Variants in MAF observed in about 807,000 individuals in gnomAD.
MAF encodes the protein transcription factor Maf.
MAF carries 10 observed loss-of-function variants against 22.0 expected under a neutral mutation model. The ratio of observed to expected loss-of-function variants is 0.45; its 90% CI spans 0.28 to 0.77. MAF has a LOEUF of 0.77. MAF is among the 30% of genes least tolerant of loss of function. MAF has a pLI of 0.12. For synonymous variants in MAF, 337 were observed against 255.8 expected, an observed-to-expected ratio of 1.32 and a Z score of -3.03; for missense variants, 544 against 548.4, an observed-to-expected ratio of 0.99 and a Z score of 0.08.
chr16:79,293,376 T>C, the MAF span, among the ~76,000 whole-genome samples: 1 of 152,202 alleles, frequency 6.6e-6, no homozygotes, highest in African/African-American at 2.4e-5. Context: ...CAAATGGAAT[T>C]ATTTTCTGGA....
At chr16:79,272,797 G>A in the MAF span, among the ~76,000 whole-genome samples, 9 of 152,048 alleles carry the variant, frequency 5.9e-5, no homozygotes, top group African/African-American at 1.7e-4. Context: ...AGGAGCACCC[G>A]ATATTTTTCC....
chr16:79,487,612 A>G, the MAF span, among the ~76,000 whole-genome samples: 1 of 152,342 alleles, frequency 6.6e-6, no homozygotes, highest in Admixed American at 6.5e-5. Flanking sequence ...CTCCAAAGAT[A>G]TGAATAATTC....
At chr16:79,357,415 G>C in the MAF span, among the ~76,000 whole-genome samples, 17 of 152,322 alleles carry the variant, frequency 1.1e-4, no homozygotes, top group Admixed American at 3.3e-4. Flanking sequence ...TGGGGCAACA[G>C]AGTGAGACAC....
the MAF span, among the ~76,000 whole-genome samples, chr16:79,505,937 G>A: frequency 6.6e-6 from 1 of 151,688 alleles, no homozygotes; most frequent in South Asian, 2.1e-4. Context: ...ATAGAAGGAA[G>A]AGGAAGGAAA....
the MAF span, among the ~76,000 whole-genome samples, chr16:79,279,925 T>A: frequency 6.6e-6 from 1 of 152,182 alleles, no homozygotes; most frequent in Non-Finnish European, 1.5e-5. Context: ...GAAAATGTTA[T>A]AAATACGGGG....
At chr16:79,316,156 G>T in the MAF span, among the ~76,000 whole-genome samples, 1 of 152,234 alleles carries the variant, frequency 6.6e-6, no homozygotes, top group African/African-American at 2.4e-5. Context: ...CTGTTAGAAC[G>T]TGACTCACCC....
the MAF span, among the ~76,000 whole-genome samples, chr16:79,318,851 CAAGTTTGCAATGGG>C: frequency 1.3e-5 from 2 of 152,246 alleles, no homozygotes; most frequent in East Asian, 3.9e-4. Flanking sequence ...TTATTGACTC[CAAGTTTGCAATGGG>C]TAAGACAAAA....
chr16:79,447,949 T>A, the MAF span, among the ~76,000 whole-genome samples: 1 of 147,636 alleles, frequency 6.8e-6, no homozygotes, highest in Non-Finnish European at 1.5e-5. Context: ...AAGATATGAC[T>A]GAATTGCTGC....
At chr16:79,277,867 C>G in the MAF span, among the ~76,000 whole-genome samples, 1 of 152,190 alleles carries the variant, frequency 6.6e-6, no homozygotes, top group Admixed American at 6.5e-5. Flanking sequence ...GGCATTATAT[C>G]TGTGCCTCCT....
At chr16:79,554,465 G>T in the MAF span, among the ~76,000 whole-genome samples, 1 of 152,172 alleles carries the variant, frequency 6.6e-6, no homozygotes, top group African/African-American at 2.4e-5. Context: ...CATAGGAAAA[G>T]CTGCAAACGG....
the MAF span, among the ~76,000 whole-genome samples, chr16:79,368,322 T>C: frequency 6.6e-6 from 1 of 152,198 alleles, no homozygotes; most frequent in Admixed American, 6.5e-5. Context: ...GAGAAGGTAA[T>C]GGCAGGGCAT....
chr16:79,353,934 G>T, the MAF span, among the ~76,000 whole-genome samples: 8 of 152,146 alleles, frequency 5.3e-5, no homozygotes, highest in Non-Finnish European at 7.3e-5. Context: ...TTACCAGCAT[G>T]CCATGGTCTT....
chr16:79,335,183 C>CAAA, the MAF span, among the ~76,000 whole-genome samples: 3 of 86,326 alleles, frequency 3.5e-5, no homozygotes, highest in South Asian at 3.3e-4. Flanking sequence ...GACTCCATCT[C>CAAA]AAAAAAAAAA....
the MAF span, among the ~76,000 whole-genome samples, chr16:79,235,563 T>C: frequency 6.6e-6 from 1 of 151,788 alleles, no homozygotes; most frequent in Non-Finnish European, 1.5e-5. Flanking sequence ...ATTTTAAAAA[T>C]ATGATTGAAA....
chr16:79,215,624 C>G, the MAF span, among the ~76,000 whole-genome samples: 74,722 of 151,720 alleles, frequency 0.49, 19,987 homozygotes, highest in Non-Finnish European at 0.61. Context: ...AGGCTGACAA[C>G]ATGAGGCCTC....
the MAF span, among the ~76,000 whole-genome samples, chr16:79,554,090 A>AAACAAAC: frequency 2.5e-5 from 3 of 121,022 alleles, no homozygotes; most frequent in African/African-American, 8.6e-5. Flanking sequence ...CTGCCTCTCA[A>AAACAAAC]AAACAAACAA....
the MAF span, among the ~76,000 whole-genome samples, chr16:79,542,540 G>T: frequency 1.3e-5 from 2 of 152,122 alleles, no homozygotes; most frequent in African/African-American, 4.8e-5. Context: ...GATAACAAAA[G>T]GAAGCAGGGA....
At chr16:79,521,551 T>A in the MAF span, among the ~76,000 whole-genome samples, 2 of 152,150 alleles carry the variant, frequency 1.3e-5, no homozygotes, top group African/African-American at 2.4e-5. Flanking sequence ...AGTTTCCCCA[T>A]CTCCCTGAAC....
At chr16:79,246,643 T>C in the MAF span, among the ~76,000 whole-genome samples, 2 of 152,006 alleles carry the variant, frequency 1.3e-5, no homozygotes, top group African/African-American at 4.8e-5. Flanking sequence ...GAGAATCAAA[T>C]TTCCAACATG....
Sources: allele counts gnomAD v4.1 joint callset (sites outside exome capture counted in the v4.1 genomes callset), GRCh38; gene constraint gnomAD v4.1.1; transcripts MANE v1.5; gene names NCBI Gene and HGNC (gene_info 2026-07-23, HGNC 2026-07-21).